The following PANX1 variants were observed in gnomAD, a reference collection of about 807,000 sequenced individuals.
The protein encoded by PANX1 is pannexin-1.
PANX1 carries 30 observed loss-of-function variants against 38.7 expected under a neutral mutation model. The ratio of observed to expected loss-of-function variants is 0.78; its 90% CI spans 0.58 to 1.05. The LOEUF is 1.05. PANX1 is among the 50% of genes least tolerant of loss of function. The probability of loss-of-function intolerance (pLI) is 0.00; values close to 1 mark genes in which losing one functional copy is unlikely to be tolerated. For missense variants in PANX1, 551 were observed against 517.2 expected, an observed-to-expected ratio of 1.07 and a Z score of -0.63; for synonymous variants, 230 against 212.2, an observed-to-expected ratio of 1.08 and a Z score of -0.73.
chr11:94,130,954 C>A (rs1271143262), intron 1 of PANX1, among the ~76,000 whole-genome samples: 2 of 152,202 alleles, frequency 1.3e-5, no homozygotes, highest in Non-Finnish European at 2.9e-5. Flanking sequence ...AGTTTTCCTG[C>A]TCTTTGCGCA....
intron 3 of PANX1, among the ~76,000 whole-genome samples, chr11:94,178,848 A>G (rs908724461): frequency 6.6e-6 from 1 of 152,110 alleles, no homozygotes; most frequent in Non-Finnish European, 1.5e-5. Context: ...ATTACATCTC[A>G]TTTTAAAAAT....
chr11:94,137,867 T>TATCTTGGTC, intron 1 of PANX1, among the ~76,000 whole-genome samples: 17 of 132,628 alleles, frequency 1.3e-4, no homozygotes, highest in Admixed American at 2.4e-4. Flanking sequence ...ACTACTATTC[T>TATCTTGGTC]TGAAAAACCA....
chr11:94,133,646 T>G (rs1477224117), intron 1 of PANX1, among the ~76,000 whole-genome samples: 1 of 152,166 alleles, frequency 6.6e-6, no homozygotes, highest in Non-Finnish European at 1.5e-5. Flanking sequence ...ATACTGCAGG[T>G]GTGCCTCCTC....
intron 1 of PANX1, among the ~76,000 whole-genome samples, chr11:94,152,186 C>T (rs1319397849): frequency 6.6e-6 from 1 of 152,158 alleles, no homozygotes; most frequent in African/African-American, 2.4e-5. Flanking sequence ...CTACTTGTTG[C>T]TTCATCTAGA....
At chr11:94,175,918 A>G (rs1009577184) in intron 2 of PANX1, 1 of 984,092 alleles carries the variant, frequency 1.0e-6, no homozygotes, top group Non-Finnish European at 1.2e-6. Context: ...TTTTGGGGTC[A>G]TTTGTGCTTA....
intron 2 of PANX1, among the ~76,000 whole-genome samples, chr11:94,160,843 T>A (rs1014919914): frequency 2.0e-5 from 3 of 152,198 alleles, no homozygotes; most frequent in Non-Finnish European, 2.9e-5. Flanking sequence ...AATTTGGCAT[T>A]TTTTTGCATT....
chr11:94,129,738 A>C (rs946565037), intron 1 of PANX1, among the ~76,000 whole-genome samples: 1 of 152,054 alleles, frequency 6.6e-6, no homozygotes, highest in African/African-American at 2.4e-5. Context: ...CTCTGATCGG[A>C]CTGTGGCTTA....
intron 2 of PANX1, among the ~76,000 whole-genome samples, chr11:94,159,570 G>T (rs1946996268): frequency 6.6e-6 from 1 of 152,070 alleles, no homozygotes; most frequent in African/African-American, 2.4e-5. Context: ...GGGATCAGTG[G>T]TGATATCCCC....
At chr11:94,130,670 A>C (rs1024513303) in intron 1 of PANX1, among the ~76,000 whole-genome samples, 1 of 152,160 alleles carries the variant, frequency 6.6e-6, no homozygotes, top group African/African-American at 2.4e-5. Context: ...GAGTGGAAGA[A>C]AATGGGTGGG....
chr11:94,141,761 T>C (rs75258442), intron 1 of PANX1, among the ~76,000 whole-genome samples: 1 of 152,170 alleles, frequency 6.6e-6, no homozygotes, highest in Non-Finnish European at 1.5e-5. Flanking sequence ...ATGGCACACA[T>C]TGACTGTGAG....
intron 2 of PANX1, among the ~76,000 whole-genome samples, chr11:94,170,982 T>C (rs1482024070): frequency 6.6e-6 from 1 of 151,744 alleles, no homozygotes; most frequent in Non-Finnish European, 1.5e-5. Flanking sequence ...CTTACCTTGC[T>C]ACTGTTTCTT....
chr11:94,171,615 A>C (rs1448101217), intron 2 of PANX1, among the ~76,000 whole-genome samples: 1 of 151,598 alleles, frequency 6.6e-6, no homozygotes, highest in Non-Finnish European at 1.5e-5. Flanking sequence ...TTTATTCAGC[A>C]CTTCTCAATT....
intron 1 of PANX1, among the ~76,000 whole-genome samples, chr11:94,153,040 T>A (rs1255789290): frequency 6.6e-6 from 1 of 152,224 alleles, no homozygotes; most frequent in Non-Finnish European, 1.5e-5. Flanking sequence ...TTTCTCTTCC[T>A]CAGGCTAATA....
At chr11:94,178,618 A>C in intron 3 of PANX1, 26 bp downstream of exon 3, 1 of 1,576,592 alleles carries the variant, frequency 6.3e-7, no homozygotes, top group South Asian at 1.1e-5. Context: ...CAGGCAGCTC[A>C]TCGGGTTTTG....
intron 1 of PANX1, among the ~76,000 whole-genome samples, chr11:94,144,174 T>C (rs1284987299): frequency 6.6e-6 from 1 of 152,150 alleles, no homozygotes; most frequent in Non-Finnish European, 1.5e-5. Flanking sequence ...CCCTTGGCCT[T>C]AAATAGTCTG....
At chr11:94,163,725 T>C (rs1012229461) in intron 2 of PANX1, among the ~76,000 whole-genome samples, 2 of 152,202 alleles carry the variant, frequency 1.3e-5, no homozygotes, top group African/African-American at 4.8e-5. Flanking sequence ...TAAGACTGGC[T>C]TTATAAAATT....
At chr11:94,154,467 T>C (rs1189687137) in intron 2 of PANX1, among the ~76,000 whole-genome samples, 1 of 152,238 alleles carries the variant, frequency 6.6e-6, no homozygotes, top group Admixed American at 6.5e-5. Context: ...CTTTTGTCCA[T>C]TGTGAAAACA....
intron 1 of PANX1, among the ~76,000 whole-genome samples, chr11:94,136,863 T>C (rs1420791127): frequency 2.0e-5 from 3 of 152,086 alleles, no homozygotes; most frequent in Non-Finnish European, 4.4e-5. Context: ...TAAAGAAAAG[T>C]TTATGTGGCT....
intron 2 of PANX1, among the ~76,000 whole-genome samples, chr11:94,159,978 G>A (rs566351644): frequency 4.0e-5 from 6 of 151,810 alleles, no homozygotes; most frequent in East Asian, 3.9e-4. Flanking sequence ...TCTTCATTTC[G>A]TTATGTACCC....
Sources: allele counts gnomAD v4.1 joint callset (sites outside exome capture counted in the v4.1 genomes callset), GRCh38; gene constraint gnomAD v4.1.1; transcripts MANE v1.5; gene names NCBI Gene and HGNC (gene_info 2026-07-23, HGNC 2026-07-21).